ABCC1: variants seen among roughly 807,000 people sequenced by gnomAD.
ABCC1 encodes the protein ATP binding cassette subfamily C member 1 (ABCC1 blood group), also known as multidrug resistance-associated protein 1.
A neutral mutation model predicts 172.9 loss-of-function variants in ABCC1; 83 were observed. The ratio of observed to expected loss-of-function variants is 0.48; its 90% confidence interval spans 0.40 to 0.58. The LOEUF is 0.58. ABCC1 is among the 20% of genes least tolerant of loss of function. The pLI, the probability that ABCC1 is intolerant of heterozygous loss-of-function variation, is 0.00. For missense variants in ABCC1, 1,817 were observed against 2,002.7 expected, an observed-to-expected ratio of 0.91 and a Z score of 1.77; for synonymous variants, 937 against 825.2, an observed-to-expected ratio of 1.14 and a Z score of -2.32.
chr16:16,055,230 CAAA>C (rs572595909), intron 11 of ABCC1, among the ~76,000 whole-genome samples: 1 of 147,332 alleles, frequency 6.8e-6, no homozygotes, highest in African/African-American at 2.5e-5. Flanking sequence ...ATGATGTTTC[CAAA>C]AAAAAAGAAA....
At position 16,055,959 on chromosome 16, in the gene ABCC1, A is replaced by G. The variant is rs950589255; in HGVS notation, c.1474-133A>G. The G allele has an allele frequency of 1.1e-5, 9 of 839,716 alleles. No individual in the cohort carries two copies. The African/African-American group carries it at 1.2e-4, about 11-fold the overall frequency. The allele number at this position is 839,716 out of a possible 1,614,324, so 52.0% of individuals were successfully genotyped here. A position where few individuals can be genotyped will look rare whatever the true frequency, so the allele number is the denominator to read the frequency against. On this transcript the variant is annotated intron_variant, in intron 11 of 30. Transcript: ENST00000399410. The stretch of plus-strand genomic sequence containing the variant: ...AACCCCATCTCTATTGAAAAGAAAA[A>G]AAAAAATCAATATAAAAAACATTTA...
chr16:16,059,200 C>G (rs1408415922), intron 12 of ABCC1, among the ~76,000 whole-genome samples: 4 of 152,158 alleles, frequency 2.6e-5, no homozygotes, highest in African/African-American at 9.7e-5. Context: ...CAGCCCAGAT[C>G]CACTGAAACG....
rs146297738 is a variant in ABCC1 at position 16,141,409 on chromosome 16, C to A, written c.*128C>A. The A allele has an allele frequency of 1.2e-6, 1 of 802,538 alleles. No homozygotes were observed. Among genetic ancestry groups the A allele is most frequent in the Non-Finnish European group, 2.0e-6 (1 of 502,736 alleles). The allele number at this position is 802,538 out of a possible 1,614,324, so 49.7% of individuals were successfully genotyped here. A position where few individuals can be genotyped will look rare whatever the true frequency, so the allele number is the denominator to read the frequency against. ...AAACATAAAAACCAAACCCAGACAA[C>A]CAAAACATATTCAAAGCAGCAGCCA... On this transcript the variant is annotated 3_prime_UTR_variant, in exon 31 of 31. Coordinates refer to ENST00000399410, the MANE Select transcript of ABCC1 (RefSeq NM_004996.4).
chr16:16,073,605 T>C (rs1350297290), intron 14 of ABCC1, among the ~76,000 whole-genome samples: 7 of 152,002 alleles, frequency 4.6e-5, no homozygotes, highest in African/African-American at 1.7e-4. Context: ...TCTACAAAAA[T>C]TAAATTCACC....
At chr16:15,961,573 G>C (rs577675752) in intron 1 of ABCC1, among the ~76,000 whole-genome samples, 2 of 152,196 alleles carry the variant, frequency 1.3e-5, no homozygotes, top group African/African-American at 4.8e-5. Flanking sequence ...GGTGTTTTTC[G>C]AGAAAAGTTT....
chr16:16,062,077 T>C (rs539783265), intron 12 of ABCC1, among the ~76,000 whole-genome samples: 1 of 152,314 alleles, frequency 6.6e-6, no homozygotes, highest in African/African-American at 2.4e-5. Context: ...CTGGCCTTGA[T>C]GGCATTTTGA....
chr16:16,093,130 T>G (rs1390766239), intron 19 of ABCC1, among the ~76,000 whole-genome samples: 3 of 152,118 alleles, frequency 2.0e-5, no homozygotes, highest in Non-Finnish European at 4.4e-5. Context: ...CTAGCCTGTT[T>G]CTTCTTGCTG....
intron 5 of ABCC1, among the ~76,000 whole-genome samples, chr16:16,026,064 T>C (rs1346112364): frequency 6.6e-6 from 1 of 152,160 alleles, no homozygotes; most frequent in Non-Finnish European, 1.5e-5. Flanking sequence ...TTCCTCCTTT[T>C]TTATTGTCAA....
intron 1 of ABCC1, among the ~76,000 whole-genome samples, chr16:15,964,427 G>A (rs143507374): frequency 6.6e-6 from 1 of 152,100 alleles, no homozygotes; most frequent in African/African-American, 2.4e-5. Flanking sequence ...TGGGGGAACC[G>A]TCCCCATGAT....
intron 1 of ABCC1, among the ~76,000 whole-genome samples, chr16:15,987,630 A>G (rs2046771492): frequency 6.6e-6 from 1 of 152,192 alleles, no homozygotes; most frequent in Non-Finnish European, 1.5e-5. Flanking sequence ...CCCCTGAGTG[A>G]CAAACTTGCC....
Position 16,068,649 on chromosome 16 carries a change from T to C in ABCC1, c.1824+347T>C, listed in dbSNP as rs79867946. On this transcript the variant is annotated intron_variant, in intron 13 of 30. Coordinates refer to ENST00000399410, the MANE Select transcript of ABCC1 (RefSeq NM_004996.4). Reference sequence around the variant, plus strand: ...GTAGCTCTTGTCTGACTTGATTGATTTTACAACCCACTGATAGGTCTTGAC... The same window carrying C: ...GTAGCTCTTGTCTGACTTGATTGATCTTACAACCCACTGATAGGTCTTGAC... Among the ~76,000 whole-genome samples the C allele has an allele frequency of 2.5e-3, 376 of 152,216 alleles. 10 individuals are homozygous for C. The East Asian group carries it at 0.063, about 25-fold the overall frequency.
intron 1 of ABCC1, among the ~76,000 whole-genome samples, chr16:15,973,520 A>G (rs2046416030): frequency 6.6e-6 from 1 of 152,184 alleles, no homozygotes; most frequent in Admixed American, 6.5e-5. Context: ...ACCTGCTGCC[A>G]GGAGTTATAT....
chr16:15,990,374 A>G (rs2046831864), intron 1 of ABCC1, among the ~76,000 whole-genome samples: 1 of 152,132 alleles, frequency 6.6e-6, no homozygotes, highest in South Asian at 2.1e-4. Context: ...TATACAATAT[A>G]GTATTGTGAG....
chr16:15,988,163 T>C (rs1225856183), intron 1 of ABCC1, among the ~76,000 whole-genome samples: 2 of 152,072 alleles, frequency 1.3e-5, no homozygotes, highest in Admixed American at 6.5e-5. Context: ...AGTGACCCAC[T>C]TGTCTTGGCC....
In ABCC1 at chr16:15,984,555, G is replaced by A. The variant is rs1225166913; in HGVS notation, c.49-23261G>A. Among the ~76,000 whole-genome samples the A allele has an allele frequency of 2.0e-5, 3 of 150,432 alleles. No homozygotes were observed. In the East Asian group the frequency reaches 5.9e-4, roughly 29 times the overall value. ...CTTCCCAGTTTCAAGCGATTCTCCTGCCTCAGCCTTCTGAGTAGCTGAGAT... is the reference window on the plus strand; with the variant it reads ...CTTCCCAGTTTCAAGCGATTCTCCTACCTCAGCCTTCTGAGTAGCTGAGAT... On this transcript the variant is annotated intron_variant, in intron 1 of 30. Transcript: ENST00000399410.
intron 10 of ABCC1, among the ~76,000 whole-genome samples, chr16:16,051,901 G>A (rs891023148): frequency 3.9e-5 from 6 of 152,132 alleles, no homozygotes; most frequent in Admixed American, 2.6e-4. Context: ...TCAGGTGGTC[G>A]TGTTCACACT....
intron 7 of ABCC1, among the ~76,000 whole-genome samples, chr16:16,043,783 G>A (rs953023484): frequency 2.6e-5 from 4 of 151,956 alleles, no homozygotes; most frequent in African/African-American, 7.3e-5. Flanking sequence ...TGTATTTTTA[G>A]TAGAGATGGG....
intron 21 of ABCC1, 63 bp downstream of exon 21, chr16:16,106,936 G>T: frequency 6.2e-7 from 1 of 1,600,710 alleles, no homozygotes; most frequent in Non-Finnish European, 8.5e-7. Context: ...CTGTGCACTG[G>T]GCACTGTGCA....
intron 3 of ABCC1, among the ~76,000 whole-genome samples, chr16:16,011,848 T>C (rs1224513119): frequency 6.6e-6 from 1 of 152,044 alleles, no homozygotes; most frequent in Non-Finnish European, 1.5e-5. Flanking sequence ...TTTGTATTTT[T>C]AGTAGAGATG....
Sources: gnomAD v4.1 joint callset for allele counts (sites outside exome capture counted in the v4.1 genomes callset) on GRCh38, gnomAD v4.1.1 for gene constraint, MANE v1.5 for transcripts, NCBI Gene and HGNC (gene_info 2026-07-23, HGNC 2026-07-21) for gene names.